Variants in PCDHA9 observed in about 807,000 individuals in gnomAD.
PCDHA9 encodes protocadherin alpha-9.
Under a neutral mutation model 62.0 loss-of-function variants are expected in PCDHA9, and 62 were observed. That is an observed-to-expected ratio of 1.00 (90% CI 0.81 to 1.23). PCDHA9 has a LOEUF of 1.23. Among genes scored for constraint, PCDHA9 ranks in the 50% most tolerant of loss-of-function variants. The pLI is 0.00. For synonymous variants in PCDHA9, 557 were observed against 567.6 expected, an observed-to-expected ratio of 0.98 and a Z score of 0.27; for missense variants, 1,205 against 1,249.8, an observed-to-expected ratio of 0.96 and a Z score of 0.54.
rs1554254172 is a variant in PCDHA9, at chr5:140,994,436, C to G, written c.2542+11873C>G. On this transcript the variant is annotated intron_variant, in intron 3 of 3. Coordinates refer to ENST00000532602, the MANE Select transcript of PCDHA9 (RefSeq NM_031857.2). ...TGGATATTGAGGCCGGGCGCAGTGG[C>G]TCACACCTGTGATCCCAGCACTTTG... 1.3e-5 allele frequency among the ~76,000 whole-genome samples: 2 copies of G among 152,164 alleles called. 1 individual carries two copies. Among genetic ancestry groups the G allele is most frequent in the African/African-American group, 4.8e-5 (2 of 41,432 alleles).
intron 1 of PCDHA9, chr5:140,967,751 T>G: frequency 6.2e-7 from 1 of 1,614,138 alleles, no homozygotes; most frequent in African/African-American, 1.3e-5. Context: ...TGAGGAAGCC[T>G]CCTCCTACCA....
At chr5:140,946,516 C>T (rs551838143) in intron 1 of PCDHA9, among the ~76,000 whole-genome samples, 42 of 151,130 alleles carry the variant, frequency 2.8e-4, no homozygotes, top group African/African-American at 8.3e-4. Flanking sequence ...AAGACCTATC[C>T]GCACTCCCAT....
intron 1 of PCDHA9, among the ~76,000 whole-genome samples, chr5:140,921,467 A>G (rs1287124986): frequency 1.3e-5 from 2 of 152,204 alleles, no homozygotes; most frequent in East Asian, 1.9e-4. Flanking sequence ...TGCAACCACT[A>G]CCAAACCACT....
intron 1 of PCDHA9, chr5:140,858,129 T>A (rs1258479453): frequency 6.3e-7 from 1 of 1,597,464 alleles, no homozygotes; most frequent in Non-Finnish European, 8.6e-7. Context: ...CTGGTGGATG[T>A]CAACGTGTAC....
intron 1 of PCDHA9, chr5:140,930,104 G>T (rs532818002): frequency 6.6e-6 from 1 of 152,210 alleles, no homozygotes; most frequent in Non-Finnish European, 1.5e-5. Flanking sequence ...ACTGATAGGA[G>T]ATCATATTGT....
At chr5:140,854,823 T>C (rs1007254376) in intron 1 of PCDHA9, among the ~76,000 whole-genome samples, 1 of 149,812 alleles carries the variant, frequency 6.7e-6, no homozygotes, top group Non-Finnish European at 1.5e-5. Flanking sequence ...CAAGTGGTGA[T>C]GAAAAACTTC....
chr5:140,941,260 T>TCTTTCTTTCTTC (rs2092990214), intron 1 of PCDHA9, among the ~76,000 whole-genome samples: 2 of 138,280 alleles, frequency 1.4e-5, no homozygotes, highest in Admixed American at 1.5e-4. Flanking sequence ...TCTTTCTCTT[T>TCTTTCTTTCTTC]CTTTCTTTCT....
intron 1 of PCDHA9, among the ~76,000 whole-genome samples, chr5:140,872,551 C>T (rs574173970): frequency 6.6e-6 from 1 of 152,178 alleles, no homozygotes; most frequent in East Asian, 1.9e-4. Flanking sequence ...CCCCTGAACC[C>T]AGGGGTTCAG....
At chr5:140,981,019 T>A (rs1396794400) in intron 2 of PCDHA9, among the ~76,000 whole-genome samples, 1 of 152,242 alleles carries the variant, frequency 6.6e-6, no homozygotes, top group East Asian at 1.9e-4. Context: ...ACTTGAAGGC[T>A]GTTAATATTT....
intron 1 of PCDHA9, chr5:140,930,381 A>G (rs569032116): frequency 2.0e-5 from 3 of 152,008 alleles, no homozygotes; most frequent in East Asian, 3.9e-4. Flanking sequence ...GGCCCTTGGC[A>G]TTTCAAAACT....
intron 1 of PCDHA9, chr5:140,852,731 C>G: frequency 1.0e-6 from 1 of 983,362 alleles, no homozygotes; most frequent in Non-Finnish European, 1.2e-6. Context: ...TTTCAAGTTT[C>G]ATGTGCCATT....
intron 1 of PCDHA9, chr5:140,926,635 C>A: frequency 2.3e-6 from 1 of 442,720 alleles, no homozygotes; most frequent in Non-Finnish European, 3.8e-6. Context: ...CTGCGCTCCT[C>A]AACACCCGGC....
At chr5:140,945,935 G>T (rs2093863887) in intron 1 of PCDHA9, among the ~76,000 whole-genome samples, 1 of 151,964 alleles carries the variant, frequency 6.6e-6, no homozygotes, top group Admixed American at 6.6e-5. Flanking sequence ...GAGCAATGAT[G>T]TTTTTTATAT....
At position 140,927,553 on chromosome 5, in the gene PCDHA9, A is replaced by G. The variant is rs782577411; in HGVS notation, c.2395-51396A>G. 1.3e-5 allele frequency: 21 copies of G among 1,614,030 alleles called. No homozygotes were observed. The highest frequency in any genetic ancestry group is 9.3e-5 in the African/African-American group (7 of 74,932). ...CCGCTCAGGAGACGCACAAGTCACC[A>G]TCATTGTGGTGGACACAAATGACAA... On this transcript the variant is annotated intron_variant, in intron 1 of 3. Coordinates refer to ENST00000532602, the MANE Select transcript of PCDHA9 (RefSeq NM_031857.2).
intron 3 of PCDHA9, among the ~76,000 whole-genome samples, chr5:140,995,128 C>T (rs2097665772): frequency 6.6e-6 from 1 of 152,146 alleles, no homozygotes; most frequent in African/African-American, 2.4e-5. Context: ...ATGCCTGAAA[C>T]CTCATTTAGT....
intron 1 of PCDHA9, among the ~76,000 whole-genome samples, chr5:140,901,384 T>C (rs2068629478): frequency 6.6e-6 from 1 of 152,226 alleles, no homozygotes. Flanking sequence ...TAATTCAATA[T>C]TTGTATATGG....
At chr5:140,928,576 A>G in intron 1 of PCDHA9, 1 of 1,614,160 alleles carries the variant, frequency 6.2e-7, no homozygotes, top group South Asian at 1.1e-5. Flanking sequence ...CTTGCCCAGA[A>G]ATGGTTCTGT....
intron 1 of PCDHA9, chr5:140,868,982 A>T: frequency 6.7e-7 from 1 of 1,495,310 alleles, no homozygotes; most frequent in East Asian, 2.3e-5. Context: ...ATCATACCGG[A>T]TGCCACCGTT....
intron 1 of PCDHA9, chr5:140,876,114 A>G: frequency 2.5e-6 from 4 of 1,613,960 alleles, no homozygotes; most frequent in Non-Finnish European, 3.4e-6. Context: ...TGCTGATGGT[A>G]ATCGATGGCG....
Sources: gnomAD v4.1 joint callset for allele counts (sites outside exome capture counted in the v4.1 genomes callset) on GRCh38, gnomAD v4.1.1 for gene constraint, MANE v1.5 for transcripts, NCBI Gene and HGNC (gene_info 2026-07-23, HGNC 2026-07-21) for gene names.